Variants in PPP3CC observed in about 807,000 individuals in gnomAD.
The protein encoded by PPP3CC is serine/threonine-protein phosphatase 2B catalytic subunit gamma isoform.
PPP3CC carries 35 observed loss-of-function variants against 60.3 expected under a neutral mutation model. The observed-to-expected ratio is 0.58, with a 90% CI of 0.44 to 0.77. The LOEUF is 0.77. Among genes scored for constraint, PPP3CC ranks in the 30% least tolerant of loss-of-function variants. PPP3CC has a pLI of 0.00. For missense variants in PPP3CC, 570 were observed against 628.9 expected, an observed-to-expected ratio of 0.91 and a Z score of 1.00; for synonymous variants, 206 against 224.3, an observed-to-expected ratio of 0.92 and a Z score of 0.73.
At chr8:22,471,491 C>T (rs956468533) in intron 1 of PPP3CC, among the ~76,000 whole-genome samples, 1 of 152,102 alleles carries the variant, frequency 6.6e-6, no homozygotes, top group African/African-American at 2.4e-5. Context: ...TACTACTATG[C>T]ATAGTCTATA....
intron 8 of PPP3CC, 50 bp from the exon 9 acceptor site, chr8:22,527,342 G>A: frequency 6.3e-7 from 1 of 1,597,524 alleles, no homozygotes; most frequent in Non-Finnish European, 8.6e-7. Context: ...CATACCACTT[G>A]CCATGCCATG....
intron 3 of PPP3CC, among the ~76,000 whole-genome samples, chr8:22,491,128 A>G (rs965153072): frequency 1.3e-5 from 2 of 152,160 alleles, no homozygotes; most frequent in African/African-American, 2.4e-5. Context: ...TCTAACATGA[A>G]CACTGCTATG....
chr8:22,444,152 A>G (rs1350671051), intron 1 of PPP3CC, among the ~76,000 whole-genome samples: 3 of 151,754 alleles, frequency 2.0e-5, no homozygotes, highest in Non-Finnish European at 4.4e-5. Context: ...GCTACTTGGG[A>G]GGCTGAGGCA....
intron 3 of PPP3CC, among the ~76,000 whole-genome samples, chr8:22,494,014 A>G (rs1838487396): frequency 6.6e-6 from 1 of 152,174 alleles, no homozygotes; most frequent in African/African-American, 2.4e-5. Flanking sequence ...ACTAGGGTGT[A>G]GGAATTTTTC....
intron 1 of PPP3CC, among the ~76,000 whole-genome samples, chr8:22,451,444 C>G (rs1486602127): frequency 6.6e-6 from 1 of 152,204 alleles, no homozygotes; most frequent in Non-Finnish European, 1.5e-5. Flanking sequence ...CCCCCAGCCT[C>G]CTTTAATACT....
chr8:22,492,822 G>A lies in PPP3CC; in HGVS notation c.373-5179G>A, dbSNP rs1357632566. Reference sequence around the variant, plus strand: ...GAGGTGAATATGTTTACAAACCAAGGAACAGTGATCCACTTTAACAGCAGA... The same window carrying A: ...GAGGTGAATATGTTTACAAACCAAGAAACAGTGATCCACTTTAACAGCAGA... On this transcript the variant is annotated intron_variant, in intron 3 of 13. Transcript: ENST00000240139. 35 of 993,402 alleles carry A rather than the reference G, an allele frequency of 3.5e-5. No homozygotes were observed. In the Admixed American group the frequency reaches 6.0e-4, roughly 17 times the overall value. 61.5% of individuals were successfully genotyped at this position (993,402 alleles called of 1,614,324 possible). A position where few individuals can be genotyped will look rare whatever the true frequency, so the allele number is the denominator to read the frequency against.
At position 22,474,914 on chromosome 8, in the gene PPP3CC, C is replaced by T. The variant is rs770899497; in HGVS notation, c.50-40C>T. The T allele has an allele frequency of 1.0e-5, 13 of 1,240,368 alleles. No homozygotes were observed. In the South Asian group the frequency reaches 1.9e-4, roughly 18 times the overall value. 76.8% of individuals were successfully genotyped at this position (1,240,368 alleles called of 1,614,324 possible). On this transcript the variant is annotated intron_variant, in intron 1 of 13. Coordinates refer to ENST00000240139, the MANE Select transcript of PPP3CC (RefSeq NM_005605.5). ...AATTGTGTTCTGTTTGTTCTCTATA[C>T]ATTTAAATATTTTAAATTATTATTA...
intron 4 of PPP3CC, among the ~76,000 whole-genome samples, chr8:22,501,867 A>G (rs1838771995): frequency 6.6e-6 from 1 of 152,062 alleles, no homozygotes; most frequent in Non-Finnish European, 1.5e-5. Context: ...AAATTAAAAA[A>G]CTAGAATTCA....
intron 1 of PPP3CC, among the ~76,000 whole-genome samples, chr8:22,464,530 C>G (rs774585142): frequency 3.3e-5 from 5 of 151,992 alleles, no homozygotes; most frequent in Non-Finnish European, 5.9e-5. Flanking sequence ...TAGGTGTGCA[C>G]CACCACACTC....
chr8:22,462,559 C>A (rs1837392203), intron 1 of PPP3CC, among the ~76,000 whole-genome samples: 1 of 150,326 alleles, frequency 6.7e-6, no homozygotes, highest in South Asian at 2.1e-4. Context: ...CCATTTTGTT[C>A]TTTTTTTTCT....
intron 1 of PPP3CC, among the ~76,000 whole-genome samples, chr8:22,464,416 G>C (rs771325230): frequency 2.6e-5 from 4 of 152,156 alleles, no homozygotes; most frequent in Non-Finnish European, 4.4e-5. Flanking sequence ...GTCTCGCTCA[G>C]CTGTCTAGGC....
At chr8:22,512,521 A>C (rs1563762405) in intron 5 of PPP3CC, among the ~76,000 whole-genome samples, 1 of 152,206 alleles carries the variant, frequency 6.6e-6, no homozygotes, top group Non-Finnish European at 1.5e-5. Flanking sequence ...TGCCCTTACA[A>C]AATTAGCATT....
chr8:22,515,085 G>T (rs2117101223), intron 6 of PPP3CC, among the ~76,000 whole-genome samples: 1 of 152,118 alleles, frequency 6.6e-6, no homozygotes, highest in East Asian at 1.9e-4. Flanking sequence ...CTTTCTGACT[G>T]TTTTTTTCGA....
intron 6 of PPP3CC, among the ~76,000 whole-genome samples, chr8:22,515,895 CT>C (rs1380786080): frequency 6.7e-6 from 1 of 149,894 alleles, no homozygotes; most frequent in Non-Finnish European, 1.5e-5. Flanking sequence ...AGTAAAAAGT[CT>C]TTTTTTCTTT....
chr8:22,489,133 A>C (rs1343218297), intron 3 of PPP3CC, among the ~76,000 whole-genome samples: 1 of 152,124 alleles, frequency 6.6e-6, no homozygotes, highest in Non-Finnish European at 1.5e-5. Flanking sequence ...TTGGAGCCCA[A>C]AAGCAGGTGC....
chr8:22,464,923 A>C lies in PPP3CC; in HGVS notation c.50-10031A>C, dbSNP rs1586800057. 2.0e-5 allele frequency among the ~76,000 whole-genome samples: 3 copies of C among 152,092 alleles called. No homozygotes were observed. The East Asian group carries it at 5.8e-4, about 29-fold the overall frequency. ...CACTTCTGCTGCAATGTATTTGTTA[A>C]AGCAGGTCACTAAGGCCAGTTCAGA... is the stretch of plus-strand genomic sequence containing the variant. On this transcript the variant is annotated intron_variant, in intron 1 of 13. Coordinates refer to ENST00000240139, the MANE Select transcript of PPP3CC (RefSeq NM_005605.5).
In PPP3CC at chr8:22,489,328, G is replaced by A. The variant is rs191970327; in HGVS notation, c.373-8673G>A. On this transcript the variant is annotated intron_variant, in intron 3 of 13. Transcript: ENST00000240139. ...CACATTTCTCATCAGTCTTTGCAAA[G>A]TCCCTCTTTTTTGTTTTATTCTTTT... Among the ~76,000 whole-genome samples the A allele has an allele frequency of 1.4e-3, 206 of 151,988 alleles. 3 individuals carry two copies. The highest frequency in any genetic ancestry group is 4.7e-3 in the African/African-American group (197 of 41,488).
rs569825407 is a variant in PPP3CC, at chr8:22,450,927, C to G, written c.49+9469C>G. Among the ~76,000 whole-genome samples the G allele has an allele frequency of 1.6e-3, 241 of 151,050 alleles. 1 individual carries two copies. The highest frequency in any genetic ancestry group is 5.6e-3 in the African/African-American group (231 of 41,236). ...CACGGCTCACTGAAAGCTCCGCCTCCGGATTCACGCCATTCTCCTGCCTCA... is the reference window on the plus strand; with the variant it reads ...CACGGCTCACTGAAAGCTCCGCCTCGGGATTCACGCCATTCTCCTGCCTCA... On this transcript the variant is annotated intron_variant, in intron 1 of 13. Transcript: ENST00000240139.
intron 1 of PPP3CC, among the ~76,000 whole-genome samples, chr8:22,473,504 C>T (rs1295260748): frequency 6.6e-6 from 1 of 150,892 alleles, no homozygotes. Flanking sequence ...TGCTCTGTCG[C>T]CCAGGCTGAA....
Sources: allele counts gnomAD v4.1 joint callset (sites outside exome capture counted in the v4.1 genomes callset), GRCh38; gene constraint gnomAD v4.1.1; transcripts MANE v1.5; gene names NCBI Gene and HGNC (gene_info 2026-07-23, HGNC 2026-07-21).